GPAT4: variants seen among roughly 807,000 people sequenced by gnomAD.
GPAT4 encodes the protein 1-AGP acyltransferase 6.
Under a neutral mutation model 58.0 loss-of-function variants are expected in GPAT4, and 17 were observed. The ratio of observed to expected loss-of-function variants is 0.29; its 90% CI spans 0.20 to 0.44. GPAT4 has a LOEUF of 0.44. Among genes scored for constraint, GPAT4 ranks in the 20% least tolerant of loss-of-function variants. The pLI, the probability that GPAT4 is intolerant of heterozygous loss-of-function variation, is 1.00. For synonymous variants in GPAT4, 204 were observed against 210.1 expected, an observed-to-expected ratio of 0.97 and a Z score of 0.25; for missense variants, 377 against 574.5, an observed-to-expected ratio of 0.66 and a Z score of 3.51.
At chr8:41,602,665 AC>A (rs1803136583) in intron 2 of GPAT4, among the ~76,000 whole-genome samples, 1 of 152,152 alleles carries the variant, frequency 6.6e-6, no homozygotes, top group Non-Finnish European at 1.5e-5. Context: ...TGTCTAAAAT[AC>A]ACCTAACACT....
At chr8:41,620,698 T>G (rs1330159326) in intron 12 of GPAT4, among the ~76,000 whole-genome samples, 195 bp from the exon 13 acceptor site, 1 of 152,142 alleles carries the variant, frequency 6.6e-6, no homozygotes, top group African/African-American at 2.4e-5. Context: ...AGGGTAGACC[T>G]TTTGAGATAG....
At chr8:41,602,190 A>G (rs539398576) in intron 2 of GPAT4, among the ~76,000 whole-genome samples, 1 of 152,290 alleles carries the variant, frequency 6.6e-6, no homozygotes, top group South Asian at 2.1e-4. Flanking sequence ...CCTGGCCTCA[A>G]CTGATCCATC....
At position 41,588,463 on chromosome 8, in the gene GPAT4, T is replaced by G. The variant is rs78045832; in HGVS notation, c.-848-9829T>G. On this transcript the variant is annotated intron_variant, in intron 1 of 12. Coordinates refer to ENST00000396987, the MANE Select transcript of GPAT4 (RefSeq NM_178819.4). The stretch of plus-strand genomic sequence containing the variant: ...ATTAAGTTCTGTTCTGTTCTGTTCT[T>G]TTTTCTTTTCCTTTTCCTTTTCCCT... Among the ~76,000 whole-genome samples, 19 of 130,976 alleles carry G rather than the reference T, an allele frequency of 1.5e-4. No individual in the cohort carries two copies. The East Asian group carries it at 2.8e-3, about 19-fold the overall frequency. 85.9% of individuals were successfully genotyped at this position (130,976 alleles called of 152,430 possible).
At chr8:41,592,441 C>T (rs1802814241) in intron 1 of GPAT4, among the ~76,000 whole-genome samples, 1 of 152,172 alleles carries the variant, frequency 6.6e-6, no homozygotes, top group Non-Finnish European at 1.5e-5. Context: ...AGTTGTCCTA[C>T]GGGGTGAGTG....
intron 10 of GPAT4, 64 bp from the exon 11 acceptor site, chr8:41,618,620 C>G: frequency 6.3e-7 from 1 of 1,594,580 alleles, no homozygotes; most frequent in Non-Finnish European, 8.6e-7. Context: ...ACAGCAGTCA[C>G]TGTGGACTCG....
At chr8:41,593,850 C>A (rs1010344451) in intron 1 of GPAT4, among the ~76,000 whole-genome samples, 1 of 152,196 alleles carries the variant, frequency 6.6e-6, no homozygotes, top group African/African-American at 2.4e-5. Flanking sequence ...GTGGGGACAT[C>A]AGCAGTGGAC....
At chr8:41,595,989 C>A (rs995726178) in intron 1 of GPAT4, among the ~76,000 whole-genome samples, 2 of 152,148 alleles carry the variant, frequency 1.3e-5, no homozygotes, top group Admixed American at 1.3e-4. Context: ...GGTCTAGGCG[C>A]CCTGGCTTTC....
chr8:41,609,895 G>A lies in GPAT4; in HGVS notation c.476G>A (p.Arg159Gln), dbSNP rs763844705. The A allele has an allele frequency of 1.2e-6, 2 of 1,614,180 alleles. No homozygotes were observed. Among genetic ancestry groups the A allele is most frequent in the Non-Finnish European group, 1.7e-6 (2 of 1,180,020 alleles). Residue 159 changes from arginine to glutamine, a missense_variant, in exon 4 of 13, where the codon CGG becomes CAG. By Grantham distance (43) the Arg-to-Gln change is conservative. Coordinates refer to ENST00000396987, the MANE Select transcript of GPAT4 (RefSeq NM_178819.4). The part of the protein sequence containing the change: ...TNYNFQYISL[R>Q]LTVLWGLGVL... ...TATAACTTCCAGTACATCAGCCTTC[G>A]GCTCACGGTCCTGTGGGGGTTAGGA...
At chr8:41,592,965 C>T (rs1802833818) in intron 1 of GPAT4, among the ~76,000 whole-genome samples, 1 of 152,118 alleles carries the variant, frequency 6.6e-6, no homozygotes, top group Admixed American at 6.6e-5. Context: ...CATTTTTTAT[C>T]CACGTGGCCC....
chr8:41,583,089 G>T (rs887285504), intron 1 of GPAT4, among the ~76,000 whole-genome samples: 2 of 152,050 alleles, frequency 1.3e-5, no homozygotes, highest in Non-Finnish European at 2.9e-5. Flanking sequence ...AGCCGGCTGT[G>T]GTGGCCTGTG....
At position 41,609,875 on chromosome 8, in the gene GPAT4, C is replaced by T. The variant is rs767316710; in HGVS notation, c.456C>T (p.Asn152=). 2 of 1,614,224 alleles carry T rather than the reference C, an allele frequency of 1.2e-6. No individual in the cohort carries two copies. Among genetic ancestry groups the T allele is most frequent in the Non-Finnish European group, 1.7e-6 (2 of 1,180,042 alleles). The change falls in exon 4 of 13, where the codon AAC becomes AAT. Residue 152 remains asparagine, a synonymous_variant. Transcript: ENST00000396987. ...ACCTGCTGAGCAGAACCAATTATAACTTCCAGTACATCAGCCTTCGGCTCA... is the reference window on the plus strand; with the variant it reads ...ACCTGCTGAGCAGAACCAATTATAATTTCCAGTACATCAGCCTTCGGCTCA... The part of the protein sequence containing the change: ...SWNLLSRTNY[N]FQYISLRLTV...
In GPAT4 at chr8:41,622,792, A is replaced by T. The variant is rs1187027539; in HGVS notation, c.*1791A>T. The stretch of plus-strand genomic sequence containing the variant: ...GCCCGGGGGAAATCTTTTTGCTCTC[A>T]AATGAAGACTGAAAAAATAAAGTCA... On this transcript the variant is annotated 3_prime_UTR_variant, in exon 13 of 13. Transcript: ENST00000396987. 6.7e-6 allele frequency: 1 copy of T among 149,954 alleles called. No individual in the cohort carries two copies. Among genetic ancestry groups the T allele is most frequent in the Non-Finnish European group, 1.5e-5 (1 of 67,094 alleles). The allele number at this position is 149,954 out of a possible 1,614,324, so 9.3% of individuals were successfully genotyped here. A position where few individuals can be genotyped will look rare whatever the true frequency, so the allele number is the denominator to read the frequency against.
chr8:41,590,950 G>T (rs1431150434), intron 1 of GPAT4, among the ~76,000 whole-genome samples: 2 of 152,124 alleles, frequency 1.3e-5, no homozygotes, highest in African/African-American at 4.8e-5. Flanking sequence ...ATAGCAGGAC[G>T]AGCCATAGTC....
chr8:41,604,195 A>G (rs1418516909), intron 2 of GPAT4, among the ~76,000 whole-genome samples: 1 of 152,152 alleles, frequency 6.6e-6, no homozygotes, highest in Non-Finnish European at 1.5e-5. Context: ...CTTCATAAAG[A>G]TCATTAAAAC....
rs1372320662 is a variant in GPAT4, at chr8:41,610,731, T to TA, written c.537-4dup. 8 of 1,605,592 alleles carry TA rather than the reference T, an allele frequency of 5.0e-6. No homozygotes were observed. Among genetic ancestry groups the TA allele is most frequent in the Non-Finnish European group, 5.1e-6 (6 of 1,175,836 alleles). ...GCTGTGCTCTAACTTTTCTTCTTCT[T>TA]ACAGGATAGCACTGGCTTTCACAGG... On this transcript the variant is annotated splice_polypyrimidine_tract_variant and splice_region_variant and intron_variant, in intron 4 of 12. Transcript: ENST00000396987.
rs1217094737 is a variant in GPAT4, at chr8:41,621,994, C to T, written c.*993C>T. 3 of 152,270 alleles carry T rather than the reference C, an allele frequency of 2.0e-5. No individual in the cohort carries two copies. The highest frequency in any genetic ancestry group is 4.4e-5 in the Non-Finnish European group (3 of 68,062). The allele number at this position is 152,270 out of a possible 1,614,324, so 9.4% of individuals were successfully genotyped here. ...TTCTCGTGAGGATTCCCGTTCTCTT[C>T]TGGGAGCATGGCCCTGGGGCTGCGG... On this transcript the variant is annotated 3_prime_UTR_variant, in exon 13 of 13. Transcript: ENST00000396987.
chr8:41,616,537 C>T (rs564648877), intron 10 of GPAT4, among the ~76,000 whole-genome samples: 56 of 152,234 alleles, frequency 3.7e-4, no homozygotes, highest in African/African-American at 1.3e-3. Flanking sequence ...TCAAGTGATC[C>T]GCCTGCCTTG....
At chr8:41,583,822 C>T (rs554348555) in intron 1 of GPAT4, among the ~76,000 whole-genome samples, 1 of 152,280 alleles carries the variant, frequency 6.6e-6, no homozygotes, top group East Asian at 1.9e-4. Flanking sequence ...ATTTTCTTTG[C>T]ACAATTAGAA....
intron 1 of GPAT4, among the ~76,000 whole-genome samples, chr8:41,587,860 T>C (rs922597609): frequency 2.6e-5 from 4 of 152,196 alleles, no homozygotes; most frequent in African/African-American, 9.7e-5. Context: ...TTTGTAGAGG[T>C]TGAACCCTTT....
Sources: allele counts gnomAD v4.1 joint callset (sites outside exome capture counted in the v4.1 genomes callset), GRCh38; gene constraint gnomAD v4.1.1; transcripts MANE v1.5; gene names NCBI Gene and HGNC (gene_info 2026-07-23, HGNC 2026-07-21).